Variants in TARBP1 observed in about 807,000 individuals in gnomAD.
TARBP1 encodes the protein tRNA (guanosine(18)-2'-O)-methyltransferase TARBP1.
A neutral mutation model predicts 178.6 loss-of-function variants in TARBP1; 144 were observed. The observed-to-expected ratio is 0.81, with a 90% CI of 0.70 to 0.93. TARBP1 has a LOEUF of 0.93. Among genes scored for constraint, TARBP1 ranks in the 40% least tolerant of loss-of-function variants. The pLI is 0.00. For synonymous variants in TARBP1, 787 were observed against 781.0 expected, an observed-to-expected ratio of 1.01 and a Z score of -0.13; for missense variants, 2,067 against 2,011.7, an observed-to-expected ratio of 1.03 and a Z score of -0.53.
chr1:234,423,354 T>C (rs1362282547), intron 20 of TARBP1, among the ~76,000 whole-genome samples: 1 of 152,182 alleles, frequency 6.6e-6, no homozygotes, highest in Non-Finnish European at 1.5e-5. Flanking sequence ...CACCACTTCC[T>C]TCAACATACA....
chr1:234,420,514 A>G (rs1383067476), intron 21 of TARBP1, among the ~76,000 whole-genome samples, 188 bp downstream of exon 21: 3 of 152,066 alleles, frequency 2.0e-5, no homozygotes, highest in African/African-American at 7.3e-5. Context: ...TTATTTCTAC[A>G]ATACCTAATT....
At chr1:234,463,523 A>G (rs1668120010) in intron 6 of TARBP1, among the ~76,000 whole-genome samples, 1 of 152,216 alleles carries the variant, frequency 6.6e-6, no homozygotes, top group Non-Finnish European at 1.5e-5. Flanking sequence ...CAAGTTCCGT[A>G]TTTCTCAAAT....
chr1:234,433,761 C>T (rs1307854686), intron 13 of TARBP1, among the ~76,000 whole-genome samples, 190 bp from the exon 14 acceptor site: 2 of 152,208 alleles, frequency 1.3e-5, no homozygotes, highest in African/African-American at 4.8e-5. Flanking sequence ...TCTGTGCTTA[C>T]ACAGTGACTG....
At chr1:234,432,443 AAT>A (rs1223996422) in intron 14 of TARBP1, among the ~76,000 whole-genome samples, 1 of 151,758 alleles carries the variant, frequency 6.6e-6, no homozygotes, top group Admixed American at 6.6e-5. Flanking sequence ...TCTGTTCAAA[AAT>A]ATATATATAT....
intron 13 of TARBP1, 54 bp downstream of exon 13, chr1:234,437,221 T>C (rs552825756): frequency 4.2e-6 from 4 of 960,272 alleles, no homozygotes; most frequent in East Asian, 5.3e-5. Flanking sequence ...CACTCAAATA[T>C]TGGTGAAAAG....
At position 234,391,495 on chromosome 1, in the gene TARBP1, A is replaced by G. The variant is rs1659357315; in HGVS notation, c.*82T>C. 6.4e-6 allele frequency: 9 copies of G among 1,396,190 alleles called. No homozygotes were observed. In the South Asian group the frequency reaches 9.8e-5, roughly 15 times the overall value. 86.5% of individuals were successfully genotyped at this position (1,396,190 alleles called of 1,614,324 possible). A position where few individuals can be genotyped will look rare whatever the true frequency, so the allele number is the denominator to read the frequency against. On this transcript the variant is annotated 3_prime_UTR_variant, in exon 30 of 30. Coordinates refer to ENST00000040877, the MANE Select transcript of TARBP1 (RefSeq NM_005646.4). ...AAAGAAATACAAATTATCACAATAA[A>G]TTTCAGAATCTGTTTCTTTAGTCCA...
At chr1:234,408,618 G>C (rs991611496) in intron 23 of TARBP1, among the ~76,000 whole-genome samples, 2 of 152,142 alleles carry the variant, frequency 1.3e-5, no homozygotes, top group Non-Finnish European at 2.9e-5. Context: ...GCACCACCCA[G>C]ATCGATTAAC....
chr1:234,450,448 A>G lies in TARBP1; in HGVS notation c.1841T>C (p.Val614Ala). 2 of 1,598,788 alleles carry G rather than the reference A, an allele frequency of 1.3e-6. No homozygotes were observed. The highest frequency in any genetic ancestry group is 1.7e-6 in the Non-Finnish European group (2 of 1,175,250). The change falls in exon 10 of 30, where the codon GTT becomes GCT. Residue 614 changes from valine to alanine, a missense_variant. Coordinates refer to ENST00000040877, the MANE Select transcript of TARBP1 (RefSeq NM_005646.4). ...CTTACTTTCCCAAGCAGATGACTTA[A>G]CATACTCTTGAACAATGCTCTTTAC... Reference protein sequence around the residue: ...AYVKSIVQEYVKSSAWETGEN... With the variant: ...AYVKSIVQEYAKSSAWETGEN...
At chr1:234,462,866 C>G (rs1464083783) in intron 6 of TARBP1, among the ~76,000 whole-genome samples, 2 of 152,134 alleles carry the variant, frequency 1.3e-5, no homozygotes, top group Non-Finnish European at 2.9e-5. Flanking sequence ...CATTGGCCAT[C>G]TTGTCATCCT....
intron 2 of TARBP1, among the ~76,000 whole-genome samples, chr1:234,472,064 C>T (rs977894028): frequency 5.3e-5 from 8 of 152,080 alleles, no homozygotes; most frequent in South Asian, 2.1e-4. Context: ...TGGACGGGTG[C>T]GGTGGCTCAC....
intron 12 of TARBP1, among the ~76,000 whole-genome samples, chr1:234,444,549 C>A (rs890973031): frequency 6.6e-6 from 1 of 152,112 alleles, no homozygotes; most frequent in Non-Finnish European, 1.5e-5. Context: ...ACGATCGCAA[C>A]CTCAAGGGCG....
intron 22 of TARBP1, among the ~76,000 whole-genome samples, chr1:234,413,350 T>C (rs1662064205): frequency 6.6e-6 from 1 of 152,198 alleles, no homozygotes; most frequent in South Asian, 2.1e-4. Flanking sequence ...GGCATGCACC[T>C]GTAATCCCAG....
In TARBP1 at chr1:234,467,671, T is replaced by C. The variant is rs371821328; in HGVS notation, c.1100-21A>G. ...ACATCCTGTGGAAACAAACATCAAA[T>C]GTTGACATCTGATTCTGTCTTCATT... On this transcript the variant is annotated intron_variant, in intron 3 of 29. Transcript: ENST00000040877. 3.2e-6 allele frequency: 5 copies of C among 1,555,278 alleles called. No homozygotes were observed. In the African/African-American group the frequency reaches 6.9e-5, roughly 21 times the overall value.
rs750711344 is a variant in TARBP1, at chr1:234,460,436, G to A, written c.1400-40C>T. On this transcript the variant is annotated intron_variant, in intron 6 of 29. Transcript: ENST00000040877. ...TTTAAATTATCATTGTTGCCAATTA[G>A]CACATGAAAAGAAGCTCAATACCAT... The A allele has an allele frequency of 6.1e-5, 98 of 1,607,032 alleles. No homozygotes were observed. The East Asian group carries it at 2.2e-3, about 36-fold the overall frequency.
chr1:234,475,535 C>T (rs1056061366), intron 1 of TARBP1, among the ~76,000 whole-genome samples: 4 of 152,258 alleles, frequency 2.6e-5, no homozygotes, highest in Non-Finnish European at 4.4e-5. Context: ...CTACCACAGA[C>T]ACTCACGCAG....
In TARBP1 at chr1:234,433,504, T is replaced by C; in HGVS notation, c.2300A>G (p.Lys767Arg). ...AGGGTTACCCCTTTTCCACCCAACCTTCAAATGCAGATTTATAAGCTCAGT... is the reference window on the plus strand; with the variant it reads ...AGGGTTACCCCTTTTCCACCCAACCCTCAAATGCAGATTTATAAGCTCAGT... Reference protein sequence around the residue: ...VLTELINLHLKVGWKRGNPIW... With the variant: ...VLTELINLHLRVGWKRGNPIW... Residue 767 changes from lysine (K) to arginine (R), a missense_variant, in exon 14 of 30, where the codon AAG (lysine) becomes AGG (arginine). Physicochemically the swap from Lys to Arg is conservative, Grantham distance 26. Coordinates refer to ENST00000040877, the MANE Select transcript of TARBP1 (RefSeq NM_005646.4). 1 of 1,614,044 alleles carries C rather than the reference T, an allele frequency of 6.2e-7. No homozygotes were observed.
chr1:234,427,236 C>A, intron 19 of TARBP1, 81 bp downstream of exon 19: 1 of 957,240 alleles, frequency 1.0e-6, no homozygotes, highest in Non-Finnish European at 1.6e-6. Context: ...TTAAATTTAG[C>A]AAATACAGAA....
chr1:234,429,984 C>A, intron 15 of TARBP1, 103 bp downstream of exon 15: 5 of 1,183,842 alleles, frequency 4.2e-6, no homozygotes, highest in Non-Finnish European at 6.0e-6. Flanking sequence ...CTGAATGGAG[C>A]TTCAGCCCCA....
Position 234,399,808 on chromosome 1 carries a change from T to C in TARBP1, c.4072-1255A>G, listed in dbSNP as rs552269807. Among the ~76,000 whole-genome samples the C allele has an allele frequency of 4.8e-5, 7 of 146,616 alleles. No individual in the cohort carries two copies. In the Admixed American group the frequency reaches 5.0e-4, roughly 11 times the overall value. On this transcript the variant is annotated intron_variant, in intron 25 of 29. Coordinates refer to ENST00000040877, the MANE Select transcript of TARBP1 (RefSeq NM_005646.4). ...GAACGAAAAACCAAACACCGCATAT[T>C]CTCACTCATAGGTGGAAACTGAACA...
Sources: allele counts gnomAD v4.1 joint callset (sites outside exome capture counted in the v4.1 genomes callset), GRCh38; gene constraint gnomAD v4.1.1; transcripts MANE v1.5; gene names NCBI Gene and HGNC (gene_info 2026-07-23, HGNC 2026-07-21).